The following SPAG16 variants were observed in gnomAD, a reference collection of about 807,000 sequenced individuals.
SPAG16 encodes sperm-associated antigen 16 protein.
SPAG16 carries 86 observed loss-of-function variants against 80.4 expected under a neutral mutation model. That is an observed-to-expected ratio of 1.07 (90% CI 0.90 to 1.28). SPAG16 has a LOEUF of 1.28. Ranked by LOEUF, SPAG16 falls within the 50% of genes most tolerant of loss-of-function variation. The pLI is 0.00. For synonymous variants in SPAG16, 294 were observed against 265.9 expected (o/e 1.11, Z -1.03); for missense variants, 870 against 765.3 (o/e 1.14, Z -1.61).
chr2:213,755,577 T>A (rs1214697952), intron 10 of SPAG16, among the ~76,000 whole-genome samples: 1 of 152,198 alleles, frequency 6.6e-6, no homozygotes, highest in Non-Finnish European at 1.5e-5. Flanking sequence ...TCATTTCATT[T>A]TAATGTGTTT....
intron 15 of SPAG16, among the ~76,000 whole-genome samples, chr2:214,313,744 CCTGAAATGAA>C (rs1695489730): frequency 6.6e-6 from 1 of 152,008 alleles, no homozygotes; most frequent in African/African-American, 2.4e-5. Context: ...AAATAAAAGT[CCTGAAATGAA>C]CAATCAGATC....
At position 213,733,643 on chromosome 2, in the gene SPAG16, C is replaced by A. The variant is rs542125734; in HGVS notation, c.1071-128842C>A. ...ATTTGGTTTCTAGTTAGTTTCCAAGCTAGTCCATCCTTAACCTCCAGTACT... is the reference window on the plus strand; with the variant it reads ...ATTTGGTTTCTAGTTAGTTTCCAAGATAGTCCATCCTTAACCTCCAGTACT... On this transcript the variant is annotated intron_variant, in intron 10 of 15. Coordinates refer to ENST00000331683, the MANE Select transcript of SPAG16 (RefSeq NM_024532.5). Among the ~76,000 whole-genome samples the A allele has an allele frequency of 2.6e-5, 4 of 152,034 alleles. No homozygotes were observed. The East Asian group carries it at 7.8e-4, about 30-fold the overall frequency.
chr2:214,320,396 A>G (rs998961544), intron 15 of SPAG16, among the ~76,000 whole-genome samples: 4 of 152,172 alleles, frequency 2.6e-5, no homozygotes, highest in Non-Finnish European at 5.9e-5. Flanking sequence ...CATGTACCAT[A>G]CTATTTAATT....
At chr2:214,119,839 G>C (rs71428331) in intron 14 of SPAG16, among the ~76,000 whole-genome samples, 18,929 of 151,890 alleles carry the variant, frequency 0.12, 1,337 homozygotes, top group Non-Finnish European at 0.16. Flanking sequence ...ATCTGGAAAT[G>C]TCATTATTTT....
chr2:214,150,736 A>C (rs2055934185), intron 15 of SPAG16, among the ~76,000 whole-genome samples: 1 of 151,502 alleles, frequency 6.6e-6, no homozygotes, highest in Admixed American at 6.6e-5. Flanking sequence ...ATTACAATTA[A>C]TAATAGCCAT....
At chr2:214,297,601 C>G (rs78140361) in intron 15 of SPAG16, among the ~76,000 whole-genome samples, 8,517 of 151,944 alleles carry the variant, frequency 0.056, 808 homozygotes, top group African/African-American at 0.19. Flanking sequence ...TTCTTTCTTT[C>G]CCCATTGTTT....
At chr2:213,349,940 T>C (rs2065232360) in intron 6 of SPAG16, among the ~76,000 whole-genome samples, 1 of 152,238 alleles carries the variant, frequency 6.6e-6, no homozygotes, top group South Asian at 2.1e-4. Context: ...AAGAGCTGTA[T>C]GTTTTATCCA....
At chr2:213,948,296 C>A (rs1456776165) in intron 12 of SPAG16, among the ~76,000 whole-genome samples, 1 of 152,130 alleles carries the variant, frequency 6.6e-6, no homozygotes, top group African/African-American at 2.4e-5. Context: ...AACAGACACG[C>A]AAATGCATTT....
chr2:214,240,379 G>T (rs1267263675), intron 15 of SPAG16: 1 of 152,132 alleles, frequency 6.6e-6, no homozygotes, highest in Non-Finnish European at 1.5e-5. Context: ...AACTCTTTGA[G>T]GGCAGGGTCT....
intron 15 of SPAG16, among the ~76,000 whole-genome samples, chr2:214,170,385 A>G (rs2056833388): frequency 6.6e-6 from 1 of 152,032 alleles, no homozygotes; most frequent in African/African-American, 2.4e-5. Context: ...ATACAAGATC[A>G]TCATCTACTG....
chr2:214,051,722 C>G (rs2049653727), intron 13 of SPAG16, among the ~76,000 whole-genome samples: 1 of 152,160 alleles, frequency 6.6e-6, no homozygotes, highest in East Asian at 1.9e-4. Context: ...ACAGAGTCAG[C>G]AAGAATACTG....
intron 11 of SPAG16, among the ~76,000 whole-genome samples, chr2:213,869,265 A>AAAAAAAAAAATATATATATACG (rs1491244962): frequency 4.0e-5 from 1 of 24,806 alleles, no homozygotes; most frequent in Non-Finnish European, 2.8e-4. Flanking sequence ...AAAAAAAAAA[A>AAAAAAAAAAATATATATATACG]TATATATATA....
chr2:213,427,594 A>G (rs1370285713), intron 9 of SPAG16, among the ~76,000 whole-genome samples: 1 of 152,178 alleles, frequency 6.6e-6, no homozygotes, highest in African/African-American at 2.4e-5. Flanking sequence ...ATGCAGGGTA[A>G]ATTATCATTT....
chr2:213,919,916 G>A (rs1411460407), intron 11 of SPAG16, among the ~76,000 whole-genome samples: 1 of 152,138 alleles, frequency 6.6e-6, no homozygotes, highest in Non-Finnish European at 1.5e-5. Context: ...TATTTTGTAG[G>A]AGTCTAAGTC....
intron 10 of SPAG16, among the ~76,000 whole-genome samples, chr2:213,492,684 T>TG (rs1170081490): frequency 7.6e-6 from 1 of 131,942 alleles, no homozygotes; most frequent in Non-Finnish European, 1.7e-5. Context: ...AAAAGAAAGT[T>TG]GTTTTTTTTT....
At chr2:214,040,754 G>T (rs567539076) in intron 13 of SPAG16, among the ~76,000 whole-genome samples, 101 of 152,144 alleles carry the variant, frequency 6.6e-4, no homozygotes, top group Non-Finnish European at 1.2e-3. Context: ...ATTGGCTAAA[G>T]TCTGCATATT....
intron 10 of SPAG16, among the ~76,000 whole-genome samples, chr2:213,743,102 ACTGTGTTAGCGAGGATGGT>A (rs146858453): frequency 0.15 from 22,204 of 151,546 alleles, 2,088 homozygotes; most frequent in South Asian, 0.3. Flanking sequence ...ACAGGGTTTC[ACTGTGTTAGCGAGGATGGT>A]CTCTATCTCC....
chr2:214,270,364 T>G (rs1691901631), intron 15 of SPAG16, among the ~76,000 whole-genome samples: 1 of 152,154 alleles, frequency 6.6e-6, no homozygotes. Flanking sequence ...TTTGTGGGTA[T>G]TTTTTACTTT....
Position 213,403,234 on chromosome 2 carries a change from A to G in SPAG16, c.942+28115A>G, listed in dbSNP as rs542066043. 4.1e-3 allele frequency among the ~76,000 whole-genome samples: 623 copies of G among 152,194 alleles called. 6 individuals are homozygous for G. The highest frequency in any genetic ancestry group is 0.015 in the African/African-American group (605 of 41,466). On this transcript the variant is annotated intron_variant, in intron 9 of 15. Transcript: ENST00000331683. Reference sequence around the variant, plus strand: ...GCTGCATAAATGTCTTCTTTTGAGAAGTGTCTGTTCATATCCTTCGCCCAC... The same window carrying G: ...GCTGCATAAATGTCTTCTTTTGAGAGGTGTCTGTTCATATCCTTCGCCCAC...
Sources: gnomAD v4.1 joint callset for allele counts (sites outside exome capture counted in the v4.1 genomes callset) on GRCh38, gnomAD v4.1.1 for gene constraint, MANE v1.5 for transcripts, NCBI Gene and HGNC (gene_info 2026-07-23, HGNC 2026-07-21) for gene names.